MUC15: variants seen among roughly 807,000 people sequenced by gnomAD.
MUC15 encodes mucin-15.
In MUC15, 23 loss-of-function variants were observed where a neutral mutation model predicts 24.0. The ratio of observed to expected loss-of-function variants is 0.96; its 90% CI spans 0.69 to 1.36. The LOEUF (loss-of-function observed/expected upper bound fraction) is 1.36, where lower values mean the gene tolerates loss of function less well. Ranked by LOEUF, MUC15 falls within the 40% of genes most tolerant of loss-of-function variation. The pLI is 0.00. For missense variants in MUC15, 442 were observed against 428.2 expected (o/e 1.03, Z -0.29); for synonymous variants, 151 against 156.3 (o/e 0.97, Z 0.25).
rs1590532596 is a variant in MUC15, at chr11:26,561,236, A to G, written c.926-11T>C. On this transcript the variant is annotated splice_polypyrimidine_tract_variant and intron_variant, in intron 4 of 4. Coordinates refer to ENST00000529533, the MANE Select transcript of MUC15 (RefSeq NM_001135091.2). The stretch of plus-strand genomic sequence containing the variant: ...TGTCTAATCGCAGAACTAAAAAAGT[A>G]ACAAAATAATACTGTTTCACAGTGA... The G allele has an allele frequency of 6.3e-7, 1 of 1,596,388 alleles. No individual in the cohort carries two copies. The highest frequency in any genetic ancestry group is 2.3e-5 in the East Asian group (1 of 43,592).
chr11:26,562,425 T>C (rs1347517228), intron 4 of MUC15, among the ~76,000 whole-genome samples: 1 of 151,902 alleles, frequency 6.6e-6, no homozygotes, highest in African/African-American at 2.4e-5. Flanking sequence ...AGAAAACACA[T>C]ATTTTTTTCC....
chr11:26,567,881 C>T (rs1375556576), intron 1 of MUC15, among the ~76,000 whole-genome samples: 1 of 151,914 alleles, frequency 6.6e-6, no homozygotes, highest in Admixed American at 6.6e-5. Context: ...ACATAATGCA[C>T]TGCTTGAAAC....
At chr11:26,570,474 G>C (rs1284110743) in intron 1 of MUC15, among the ~76,000 whole-genome samples, 1 of 152,102 alleles carries the variant, frequency 6.6e-6, no homozygotes, top group Non-Finnish European at 1.5e-5. Flanking sequence ...ATAAGGAGAT[G>C]TCCTGGTTTA....
chr11:26,569,545 A>G (rs992514428), intron 1 of MUC15, among the ~76,000 whole-genome samples: 6 of 152,022 alleles, frequency 3.9e-5, no homozygotes, highest in Non-Finnish European at 5.9e-5. Flanking sequence ...GAACCCCACC[A>G]TGAAATTTTG....
chr11:26,566,292 C>A (rs889277707), intron 2 of MUC15, among the ~76,000 whole-genome samples: 1 of 151,932 alleles, frequency 6.6e-6, no homozygotes, highest in Non-Finnish European at 1.5e-5. Context: ...CCATGTAGAG[C>A]TGGCTGATTT....
chr11:26,563,083 G>C, intron 4 of MUC15, 33 bp downstream of exon 4: 1 of 1,605,534 alleles, frequency 6.2e-7, no homozygotes. Context: ...TAAAACCACT[G>C]TGCCCAGGTG....
At position 26,560,329 on chromosome 11, in the gene MUC15, A is replaced by G. The variant is rs1202699077; in HGVS notation, c.*736T>C. 2 of 152,082 alleles carry G rather than the reference A, an allele frequency of 1.3e-5. No individual in the cohort carries two copies. The highest frequency in any genetic ancestry group is 2.9e-5 in the Non-Finnish European group (2 of 68,036). The allele number at this position is 152,082 out of a possible 1,614,324, so 9.4% of individuals were successfully genotyped here. ...TACCATGATTCTCATTGAGTTTTTA[A>G]GGCACCCAAATAATTGAAGCCTAAG... is the stretch of plus-strand genomic sequence containing the variant. On this transcript the variant is annotated 3_prime_UTR_variant, in exon 5 of 5. Coordinates refer to ENST00000529533, the MANE Select transcript of MUC15 (RefSeq NM_001135091.2).
intron 1 of MUC15, among the ~76,000 whole-genome samples, chr11:26,568,271 A>C (rs1484099751): frequency 6.6e-6 from 1 of 152,072 alleles, no homozygotes; most frequent in Non-Finnish European, 1.5e-5. Flanking sequence ...TATTAATCCC[A>C]CTTTACAGAT....
At position 26,563,184 on chromosome 11, in the gene MUC15, A is replaced by G; in HGVS notation, c.857T>C (p.Leu286Ser). The G allele has an allele frequency of 6.2e-7, 1 of 1,612,568 alleles. No homozygotes were observed. Among genetic ancestry groups the G allele is most frequent in the South Asian group, 1.1e-5 (1 of 91,004 alleles). The change falls in exon 4 of 5, where the codon TTG becomes TCG. Residue 286 changes from leucine (L) to serine (S), a missense_variant. Physicochemically the swap from Leu to Ser is moderately radical, Grantham distance 145 (BLOSUM62 -2). Coordinates refer to ENST00000529533, the MANE Select transcript of MUC15 (RefSeq NM_001135091.2). ...GVSLLTLVGY[L>S]LCGKRKTDSF... The stretch of plus-strand genomic sequence containing the variant: ...ATCCGTTTTCCTTTTTCCACACAAC[A>G]AGTAGCCCACAAGAGTAAGCAATGA...
intron 1 of MUC15, among the ~76,000 whole-genome samples, chr11:26,569,709 C>T (rs1482026202): frequency 6.6e-6 from 1 of 152,038 alleles, no homozygotes; most frequent in African/African-American, 2.4e-5. Context: ...GTGTGCTTTC[C>T]TTTTAGCCTC....
In MUC15 at chr11:26,559,158, A is replaced by G. The variant is rs1590525932; in HGVS notation, c.*1907T>C. ...ATCTGATTAAAAAACACTTTGTTTC[A>G]TAAGTGTTCAGTGATTTATGAAACT... On this transcript the variant is annotated 3_prime_UTR_variant, in exon 5 of 5. Coordinates refer to ENST00000529533, the MANE Select transcript of MUC15 (RefSeq NM_001135091.2). 1 of 152,288 alleles carries G rather than the reference A, an allele frequency of 6.6e-6. No homozygotes were observed. Among genetic ancestry groups the G allele is most frequent in the East Asian group, 1.9e-4 (1 of 5,204 alleles). The allele number at this position is 152,288 out of a possible 1,614,324, so 9.4% of individuals were successfully genotyped here.
At position 26,567,143 on chromosome 11, in the gene MUC15, G is replaced by T; in HGVS notation, c.-45-4C>A. Reference sequence around the variant, plus strand: ...TCACAATGGCTAGTAACAGAAGCTGGAAAATGGAAGAGGCAATATTTAAAG... The same window carrying T: ...TCACAATGGCTAGTAACAGAAGCTGTAAAATGGAAGAGGCAATATTTAAAG... On this transcript the variant is annotated splice_region_variant and splice_polypyrimidine_tract_variant and intron_variant, in intron 1 of 4. Transcript: ENST00000529533. 1 of 1,397,056 alleles carries T rather than the reference G, an allele frequency of 7.2e-7. No individual in the cohort carries two copies. The highest frequency in any genetic ancestry group is 1.8e-5 in the South Asian group (1 of 54,596). The allele number at this position is 1,397,056 out of a possible 1,614,324, so 86.5% of individuals were successfully genotyped here.
Position 26,559,649 on chromosome 11 carries a change from T to A in MUC15, c.*1416A>T, listed in dbSNP as rs1850202937. The A allele has an allele frequency of 9.4e-7, 1 of 1,060,576 alleles. No individual in the cohort carries two copies. Among genetic ancestry groups the A allele is most frequent in the Non-Finnish European group, 1.5e-6 (1 of 677,944 alleles). The allele number at this position is 1,060,576 out of a possible 1,614,324, so 65.7% of individuals were successfully genotyped here. On this transcript the variant is annotated 3_prime_UTR_variant, in exon 5 of 5. Transcript: ENST00000529533. Reference sequence around the variant, plus strand: ...TTGAGAAAAAATCATAGTACCTGAGTGCAAACAGTATTCACTGGCTTATTA... The same window carrying A: ...TTGAGAAAAAATCATAGTACCTGAGAGCAAACAGTATTCACTGGCTTATTA...
chr11:26,559,849 C>CAT lies in MUC15; in HGVS notation c.*1215_*1216insAT, dbSNP rs1345175947. On this transcript the variant is annotated 3_prime_UTR_variant, in exon 5 of 5. Transcript: ENST00000529533. ...TGTTTCTGTGTTACACACACACACACACACACACACACACACACACACACA... is the reference window on the plus strand; with the variant it reads ...TGTTTCTGTGTTACACACACACACACATACACACACACACACACACACACACA... 3.4e-5 allele frequency: 29 copies of CAT among 858,202 alleles called. No homozygotes were observed. Among genetic ancestry groups the CAT allele is most frequent in the South Asian group, 4.2e-5 (3 of 70,900 alleles). The allele number at this position is 858,202 out of a possible 1,614,324, so 53.2% of individuals were successfully genotyped here.
chr11:26,565,064 C>T, intron 3 of MUC15, 101 bp downstream of exon 3: 2 of 1,189,456 alleles, frequency 1.7e-6, no homozygotes, highest in Non-Finnish European at 2.3e-6. Context: ...ATTGTGTTCT[C>T]TTCTGTTTTT....
intron 1 of MUC15, among the ~76,000 whole-genome samples, chr11:26,569,504 G>C (rs891254080): frequency 6.6e-6 from 1 of 151,968 alleles, no homozygotes; most frequent in African/African-American, 2.4e-5. Flanking sequence ...AGTCGTAGAA[G>C]CAGCCAGGAA....
At chr11:26,563,597 C>T (rs1296484129) in intron 3 of MUC15, among the ~76,000 whole-genome samples, 1 of 151,822 alleles carries the variant, frequency 6.6e-6, no homozygotes, top group Non-Finnish European at 1.5e-5. Context: ...GTGCATACTC[C>T]ATTAAGATCT....
Position 26,563,236 on chromosome 11 carries a change from C to G in MUC15, c.805G>C (p.Ala269Pro), listed in dbSNP as rs779786873. 1 of 1,607,432 alleles carries G rather than the reference C, an allele frequency of 6.2e-7. No homozygotes were observed. Among genetic ancestry groups the G allele is most frequent in the African/African-American group, 1.3e-5 (1 of 74,498 alleles). Reference sequence around the variant, plus strand: ...ACACCCAGAATAGCACCTAAAATGGCCCCGAATACTATTCCTGTATTTCTA... The same window carrying G: ...ACACCCAGAATAGCACCTAAAATGGGCCCGAATACTATTCCTGTATTTCTA... ...ENRNTGIVFG[A>P]ILGAILGVSL... Residue 269 changes from alanine to proline, a missense_variant, in exon 4 of 5, where the codon GCC becomes CCC. Physicochemically the swap from Ala to Pro is conservative, Grantham distance 27. Coordinates refer to ENST00000529533, the MANE Select transcript of MUC15 (RefSeq NM_001135091.2).
In MUC15 at chr11:26,559,807, C is replaced by G. The variant is rs763328683; in HGVS notation, c.*1258G>C. 6.8e-7 allele frequency: 1 copy of G among 1,465,052 alleles called. No homozygotes were observed. 90.8% of individuals were successfully genotyped at this position (1,465,052 alleles called of 1,614,324 possible). On this transcript the variant is annotated 3_prime_UTR_variant, in exon 5 of 5. Transcript: ENST00000529533. ...AAGTACTTTCTTCATTACTTTCTATCCCTTATTTTCTGAAGCTGTTTCTGT... is the reference window on the plus strand; with the variant it reads ...AAGTACTTTCTTCATTACTTTCTATGCCTTATTTTCTGAAGCTGTTTCTGT...
Sources: allele counts gnomAD v4.1 joint callset (sites outside exome capture counted in the v4.1 genomes callset), GRCh38; gene constraint gnomAD v4.1.1; transcripts MANE v1.5; gene names NCBI Gene and HGNC (gene_info 2026-07-23, HGNC 2026-07-21).